ANKAR: variants seen among roughly 807,000 people sequenced by gnomAD.
The protein encoded by ANKAR is ankyrin and armadillo repeat-containing protein.
ANKAR carries 136 observed loss-of-function variants against 146.2 expected under a neutral mutation model. The ratio of observed to expected loss-of-function variants is 0.93; its 90% CI spans 0.81 to 1.07. ANKAR has a LOEUF of 1.07. Ranked by LOEUF, ANKAR falls within the 50% of genes least tolerant of loss-of-function variation. The pLI, the probability that ANKAR is intolerant of heterozygous loss-of-function variation, is 0.00. For synonymous variants in ANKAR, 500 were observed against 575.8 expected (o/e 0.87, Z 1.88); for missense variants, 1,567 against 1,679.9 (o/e 0.93, Z 1.18).
intron 18 of ANKAR, among the ~76,000 whole-genome samples, 173 bp from the exon 19 acceptor site, chr2:189,738,391 GA>G (rs2043034558): frequency 6.6e-6 from 1 of 151,728 alleles, no homozygotes; most frequent in Non-Finnish European, 1.5e-5. Flanking sequence ...ACCAGACAGG[GA>G]CAAATACTCT....
At chr2:189,682,679 A>T (rs1175792695) in intron 2 of ANKAR, among the ~76,000 whole-genome samples, 2 of 152,222 alleles carry the variant, frequency 1.3e-5, no homozygotes, top group Non-Finnish European at 2.9e-5. Flanking sequence ...AGCCTAGGTT[A>T]CACTCCAAAT....
intron 7 of ANKAR, among the ~76,000 whole-genome samples, chr2:189,703,660 G>A (rs2038411415): frequency 1.3e-5 from 2 of 152,148 alleles, no homozygotes; most frequent in African/African-American, 4.8e-5. Flanking sequence ...AAGCCACTAA[G>A]AAGAGAAAAA....
chr2:189,737,339 T>C (rs1402916181), intron 17 of ANKAR, among the ~76,000 whole-genome samples: 1 of 152,162 alleles, frequency 6.6e-6, no homozygotes, highest in Non-Finnish European at 1.5e-5. Flanking sequence ...TGTTAAAATG[T>C]GATTCTTCAG....
chr2:189,682,285 G>C (rs2034820222), intron 2 of ANKAR, among the ~76,000 whole-genome samples: 1 of 151,836 alleles, frequency 6.6e-6, no homozygotes, highest in Non-Finnish European at 1.5e-5. Context: ...GGGAAACATA[G>C]TGAGACCCCC....
At chr2:189,759,136 C>G (rs529076805) in intron 18 of ANKAR, among the ~76,000 whole-genome samples, 1 of 152,334 alleles carries the variant, frequency 6.6e-6, no homozygotes, top group South Asian at 2.1e-4. Flanking sequence ...CAGTGCCTTA[C>G]TAATATCCAA....
At chr2:189,691,275 C>T (rs927953926) in intron 3 of ANKAR, among the ~76,000 whole-genome samples, 9 of 152,188 alleles carry the variant, frequency 5.9e-5, no homozygotes, top group Admixed American at 1.3e-4. Flanking sequence ...AAGCTGGTCT[C>T]GGACTCCTGA....
chr2:189,730,116 TTTACTC>T (rs1248672026), intron 15 of ANKAR, among the ~76,000 whole-genome samples: 1 of 152,158 alleles, frequency 6.6e-6, no homozygotes, highest in Non-Finnish European at 1.5e-5. Context: ...AACTTGGTGA[TTTACTC>T]TATTCATTTT....
Position 189,727,987 on chromosome 2 carries a change from G to A in ANKAR, c.2767G>A (p.Val923Ile). Residue 923 changes from valine to isoleucine, a missense_variant, in exon 13 of 23, where the codon GTC becomes ATC. Physicochemically the swap from Val to Ile is conservative, Grantham distance 29. Coordinates refer to ENST00000684021, the MANE Select transcript of ANKAR (RefSeq NM_001378068.1). Reference sequence around the variant, plus strand: ...TCTTTTTAAAGGGAAACAAATTAGTGTCCAAATGAAAGGTGCAATGGCTGT... The same window carrying A: ...TCTTTTTAAAGGGAAACAAATTAGTATCCAAATGAAAGGTGCAATGGCTGT... The part of the protein sequence containing the change: ...VALFKGKQIS[V>I]QMKGAMAVES... The A allele has an allele frequency of 6.2e-7, 1 of 1,614,006 alleles. No homozygotes were observed. The highest frequency in any genetic ancestry group is 8.5e-7 in the Non-Finnish European group (1 of 1,179,982).
Position 189,728,263 on chromosome 2 carries a change from A to G in ANKAR, c.2878-4A>G, listed in dbSNP as rs184006867. On this transcript the variant is annotated splice_region_variant and splice_polypyrimidine_tract_variant and intron_variant, in intron 13 of 22. Transcript: ENST00000684021. ...CTGAATTAATGAAATATTTTTAAAA[A>G]TAGGCATTTCAAATAGATGTTAAGG... is the stretch of plus-strand genomic sequence containing the variant. The G allele has an allele frequency of 1.1e-4, 172 of 1,585,554 alleles. No individual in the cohort carries two copies. The East Asian group carries it at 3.8e-3, about 35-fold the overall frequency.
At chr2:189,700,684 C>G (rs1277247443) in intron 7 of ANKAR, among the ~76,000 whole-genome samples, 1 of 152,256 alleles carries the variant, frequency 6.6e-6, no homozygotes, top group African/African-American at 2.4e-5. Context: ...CTTCCCCCCA[C>G]TACCCTTCCC....
At chr2:189,741,520 G>T (rs2043328515) in intron 20 of ANKAR, 69 bp downstream of exon 20, 1 of 1,166,114 alleles carries the variant, frequency 8.6e-7, no homozygotes, top group Non-Finnish European at 1.2e-6. Flanking sequence ...TCCCTCTGTG[G>T]ACTAATTTTT....
downstream of ANKAR, chr2:189,746,672 A>T (rs575784777): frequency 2.7e-4 from 403 of 1,519,112 alleles, 2 homozygotes; most frequent in African/African-American, 3.9e-3. Flanking sequence ...TCTTTTAAAA[A>T]TTTTTTTATT....
chr2:189,754,395 C>T (rs369623393), intron 18 of ANKAR: 162 of 1,461,890 alleles, frequency 1.1e-4, no homozygotes, highest in Admixed American at 1.7e-4. Context: ...TACTGTGAAA[C>T]GAAAAGATGC....
intron 5 of ANKAR, among the ~76,000 whole-genome samples, chr2:189,694,458 A>G (rs764696229): frequency 5.3e-5 from 8 of 152,136 alleles, no homozygotes; most frequent in African/African-American, 9.7e-5. Context: ...TCAAAATTTT[A>G]TCAATTTTCC....
chr2:189,709,960 C>T (rs922729057), intron 9 of ANKAR, among the ~76,000 whole-genome samples: 1 of 152,204 alleles, frequency 6.6e-6, no homozygotes, highest in Non-Finnish European at 1.5e-5. Context: ...GAAGTCCTGA[C>T]AATGACACAA....
At chr2:189,733,365 G>A in intron 17 of ANKAR, 136 bp downstream of exon 17, 3 of 733,052 alleles carry the variant, frequency 4.1e-6, no homozygotes, top group Non-Finnish European at 6.1e-6. Context: ...TCTCTTTGTA[G>A]GTCATTAGTT....
intron 18 of ANKAR, among the ~76,000 whole-genome samples, chr2:189,756,799 G>C (rs2046157495): frequency 6.6e-6 from 1 of 152,028 alleles, no homozygotes; most frequent in Admixed American, 6.6e-5. Context: ...TCCTAACTCT[G>C]TCCTTTGATC....
At chr2:189,704,577 A>G (rs1395858227) in intron 7 of ANKAR, among the ~76,000 whole-genome samples, 4 of 118,834 alleles carry the variant, frequency 3.4e-5, no homozygotes, top group Non-Finnish European at 7.0e-5. Context: ...ATATATATAT[A>G]TATATATATA....
rs1386224151 is a variant in ANKAR at position 189,694,113 on chromosome 2, A to C, written c.1308-868A>C. ...GGCTAGGTGGCACATGCCTGTAGTC[A>C]CACCTACCCAGGAGGCTGAGGTGGG... On this transcript the variant is annotated intron_variant, in intron 5 of 22. Transcript: ENST00000684021. Among the ~76,000 whole-genome samples the C allele has an allele frequency of 2.6e-5, 4 of 151,508 alleles. No individual in the cohort carries two copies. In the East Asian group the frequency reaches 8.0e-4, roughly 30 times the overall value.
Sources: gnomAD v4.1 joint callset for allele counts (sites outside exome capture counted in the v4.1 genomes callset) on GRCh38, gnomAD v4.1.1 for gene constraint, MANE v1.5 for transcripts, NCBI Gene and HGNC (gene_info 2026-07-23, HGNC 2026-07-21) for gene names.